The following PLCZ1 variants were observed in gnomAD, a reference collection of about 807,000 sequenced individuals.
PLCZ1 encodes phospholipase C zeta 1.
In PLCZ1, 64 loss-of-function variants were observed where a neutral mutation model predicts 76.8. The observed-to-expected ratio is 0.83, with a 90% CI of 0.68 to 1.03. The LOEUF (loss-of-function observed/expected upper bound fraction) is 1.03. PLCZ1 is among the 50% of genes least tolerant of loss of function. The pLI is 0.00. For synonymous variants in PLCZ1, 248 were observed against 230.8 expected (o/e 1.07, Z -0.68); for missense variants, 751 against 713.7 (o/e 1.05, Z -0.60).
chr12:18,685,842 ACGCG>A lies in PLCZ1; in HGVS notation c.1592-1567_1592-1564del, dbSNP rs138443494. 6.6e-3 allele frequency among the ~76,000 whole-genome samples: 953 copies of A among 145,382 alleles called. 4 individuals carry two copies. The highest frequency in any genetic ancestry group is 9.4e-3 in the Non-Finnish European group (629 of 67,120). On this transcript the variant is annotated intron_variant, in intron 13 of 14. Coordinates refer to ENST00000266505, the MANE Select transcript of PLCZ1 (RefSeq NM_033123.4). ...GTATCTCTCTCTGTCACACACACAC[ACGCG>A]CACACACACACACACACACACACAT...
the PLCZ1 span, among the ~76,000 whole-genome samples, chr12:18,646,050 A>G: frequency 1.3e-5 from 2 of 152,166 alleles, no homozygotes; most frequent in Non-Finnish European, 2.9e-5. Context: ...GAAGTCCTAG[A>G]AAGATTTCCA....
At chr12:18,732,125 C>G (rs1959082063) in intron 3 of PLCZ1, among the ~76,000 whole-genome samples, 1 of 151,912 alleles carries the variant, frequency 6.6e-6, no homozygotes, top group African/African-American at 2.4e-5. Context: ...ATAAACATAT[C>G]CATTCCTTCC....
At chr12:18,658,058 A>T in the PLCZ1 span, among the ~76,000 whole-genome samples, 14 of 152,100 alleles carry the variant, frequency 9.2e-5, no homozygotes, top group African/African-American at 3.4e-4. Flanking sequence ...TGAAATGAAA[A>T]ATTCACAAAA....
chr12:18,654,477 T>C, the PLCZ1 span, among the ~76,000 whole-genome samples: 1 of 152,062 alleles, frequency 6.6e-6, no homozygotes, highest in Non-Finnish European at 1.5e-5. Flanking sequence ...TTTCAAGTGG[T>C]TAAGAAAATG....
chr12:18,677,735 G>T, the PLCZ1 span, among the ~76,000 whole-genome samples: 1 of 152,136 alleles, frequency 6.6e-6, no homozygotes, highest in Middle Eastern at 3.4e-3. Context: ...TTCAGATAAG[G>T]TTAAGAACAA....
At chr12:18,708,646 T>G (rs1285556224) in intron 6 of PLCZ1, among the ~76,000 whole-genome samples, 1 of 152,162 alleles carries the variant, frequency 6.6e-6, no homozygotes, top group South Asian at 2.1e-4. Flanking sequence ...GGTTCCCTTT[T>G]TGCCACGCCC....
At chr12:18,702,394 CT>C (rs1286173544) in intron 7 of PLCZ1, among the ~76,000 whole-genome samples, 2 of 152,128 alleles carry the variant, frequency 1.3e-5, no homozygotes, top group Non-Finnish European at 2.9e-5. Context: ...CATTCTTTCA[CT>C]TGGTTATTCC....
At chr12:18,727,531 C>A (rs1346315759) in intron 3 of PLCZ1, among the ~76,000 whole-genome samples, 2 of 152,070 alleles carry the variant, frequency 1.3e-5, no homozygotes, top group Non-Finnish European at 2.9e-5. Flanking sequence ...GGGGCTAATT[C>A]TATTTGTTAA....
the PLCZ1 span, among the ~76,000 whole-genome samples, chr12:18,669,912 G>T: frequency 6.6e-6 from 1 of 152,016 alleles, no homozygotes; most frequent in East Asian, 1.9e-4. Flanking sequence ...CTTGTGATCC[G>T]CCCACCTGGC....
At chr12:18,712,770 A>G (rs1957494482) in intron 6 of PLCZ1, 72 bp downstream of exon 6, 1 of 1,539,246 alleles carries the variant, frequency 6.5e-7, no homozygotes, top group Admixed American at 1.7e-5. Flanking sequence ...TAAGCATTAT[A>G]GGATTTTGAA....
chr12:18,660,607 C>T, the PLCZ1 span, among the ~76,000 whole-genome samples: 70 of 152,168 alleles, frequency 4.6e-4, no homozygotes, highest in African/African-American at 1.6e-3. Context: ...CCAGAAAAGA[C>T]CTTAGATTTA....
At position 18,720,270 on chromosome 12, in the gene PLCZ1, A is replaced by G. The variant is rs74065904; in HGVS notation, c.368-638T>C. 3.4e-3 allele frequency among the ~76,000 whole-genome samples: 522 copies of G among 152,016 alleles called. 5 individuals are homozygous for G. Among genetic ancestry groups the G allele is most frequent in the African/African-American group, 0.012 (502 of 41,486 alleles). On this transcript the variant is annotated intron_variant, in intron 4 of 14. Coordinates refer to ENST00000266505, the MANE Select transcript of PLCZ1 (RefSeq NM_033123.4). Reference sequence around the variant, plus strand: ...TTTATTTATTCATTCTATCACTGATAGGCATTTAGATAATTTCCTGTTTGG... The same window carrying G: ...TTTATTTATTCATTCTATCACTGATGGGCATTTAGATAATTTCCTGTTTGG...
chr12:18,699,872 G>A lies in PLCZ1; in HGVS notation c.1096C>T (p.His366Tyr), dbSNP rs1201508237. The stretch of plus-strand genomic sequence containing the variant: ...TTAAATTGCTGATATAATCTTGAAT[G>A]TTGAAAGCTTTTGAATTTCTCAGCT... ...TKAEKFKSFQ[H>Y]SRLYQQFNEN... The change falls in exon 10 of 15, where the codon CAT (histidine) becomes TAT (tyrosine). Residue 366 changes from histidine to tyrosine, a missense_variant. Coordinates refer to ENST00000266505, the MANE Select transcript of PLCZ1 (RefSeq NM_033123.4). The A allele has an allele frequency of 6.2e-7, 1 of 1,612,816 alleles. No individual in the cohort carries two copies. The highest frequency in any genetic ancestry group is 8.5e-7 in the Non-Finnish European group (1 of 1,179,314).
intron 13 of PLCZ1, 110 bp from the exon 14 acceptor site, chr12:18,684,389 C>G (rs536558463): frequency 9.5e-7 from 1 of 1,048,222 alleles, no homozygotes; most frequent in East Asian, 2.5e-5. Flanking sequence ...ACAATAATAT[C>G]TTGTGTTTAG....
the PLCZ1 span, among the ~76,000 whole-genome samples, chr12:18,659,828 T>C: frequency 6.6e-6 from 1 of 152,066 alleles, no homozygotes; most frequent in African/African-American, 2.4e-5. Flanking sequence ...AAAGGAGAAA[T>C]TAAGACTCTC....
At chr12:18,661,124 G>T in the PLCZ1 span, among the ~76,000 whole-genome samples, 1 of 151,988 alleles carries the variant, frequency 6.6e-6, no homozygotes, top group Non-Finnish European at 1.5e-5. Flanking sequence ...TAGCAATAAA[G>T]ATTTAAGAAA....
At chr12:18,680,263 C>T (rs1351202630), downstream of PLCZ1, among the ~76,000 whole-genome samples, 3 of 152,014 alleles carry the variant, frequency 2.0e-5, no homozygotes, top group Non-Finnish European at 4.4e-5. Context: ...ACAGCACAAG[C>T]TTCTTCCTAG....
intron 7 of PLCZ1, among the ~76,000 whole-genome samples, chr12:18,702,457 T>C (rs1445341158): frequency 6.6e-6 from 1 of 152,202 alleles, no homozygotes; most frequent in Admixed American, 6.5e-5. Context: ...GTACCGGCTC[T>C]GTTATATACA....
At chr12:18,707,553 G>A (rs1956760157) in intron 6 of PLCZ1, among the ~76,000 whole-genome samples, 1 of 152,076 alleles carries the variant, frequency 6.6e-6, no homozygotes, top group South Asian at 2.1e-4. Context: ...CTTACCAAAG[G>A]CTGTTTTAAG....
Sources: gnomAD v4.1 joint callset for allele counts (sites outside exome capture counted in the v4.1 genomes callset) on GRCh38, gnomAD v4.1.1 for gene constraint, MANE v1.5 for transcripts, NCBI Gene and HGNC (gene_info 2026-07-23, HGNC 2026-07-21) for gene names.